Variants in HMCN1 observed in about 807,000 individuals in gnomAD.
HMCN1 encodes hemicentin 1.
In HMCN1, 321 loss-of-function variants were observed where a neutral mutation model predicts 625.9. That is an observed-to-expected ratio of 0.51 (90% confidence interval 0.47 to 0.56). HMCN1 has a LOEUF of 0.56. Ranked by LOEUF, HMCN1 falls within the 20% of genes least tolerant of loss-of-function variation. HMCN1 has a pLI of 0.00. For missense variants in HMCN1, 6,588 were observed against 6,887.3 expected (o/e 0.96, Z 1.54); for synonymous variants, 2,425 against 2,417.6 (o/e 1.00, Z -0.09).
chr1:185,960,100 A>C (rs1361921431), intron 11 of HMCN1, among the ~76,000 whole-genome samples: 2 of 150,842 alleles, frequency 1.3e-5, no homozygotes, highest in African/African-American at 4.9e-5. Context: ...TTCATGTTCT[A>C]AGTATCTTAT....
intron 14 of HMCN1, among the ~76,000 whole-genome samples, chr1:185,968,274 T>C (rs1234425586): frequency 1.3e-5 from 2 of 152,076 alleles, no homozygotes; most frequent in Non-Finnish European, 2.9e-5. Flanking sequence ...GAGAAGCAAA[T>C]ATGAGCATTC....
rs536704449 is a variant in HMCN1 at position 185,869,582 on chromosome 1, T to TG, written c.621+3720dup. Among the ~76,000 whole-genome samples, 1,110 of 151,912 alleles carry TG rather than the reference T, an allele frequency of 7.3e-3. 14 individuals carry two copies. Among genetic ancestry groups the TG allele is most frequent in the African/African-American group, 0.024 (996 of 41,452 alleles). ...GACAGTTTTCTTTTTTCACTGTGTG[T>TG]GAAAAAAAAATATTGTGAAGCTCCT... On this transcript the variant is annotated intron_variant, in intron 4 of 106. Transcript: ENST00000271588.
At chr1:186,153,608 T>A in intron 96 of HMCN1, 142 bp from the exon 97 acceptor site, 1 of 740,356 alleles carries the variant, frequency 1.4e-6, no homozygotes. Context: ...TTAACACATA[T>A]TAAATGTTTA....
chr1:185,980,778 T>C lies in HMCN1; in HGVS notation c.2567-200T>C, dbSNP rs187011286. Among the ~76,000 whole-genome samples the C allele has an allele frequency of 1.9e-3, 288 of 152,312 alleles. 6 individuals are homozygous for C. The highest frequency in any genetic ancestry group is 0.015 in the Admixed American group (231 of 15,292). On this transcript the variant is annotated intron_variant, in intron 16 of 106. Transcript: ENST00000271588. ...ATTGCCTTTCATGCAGTCACTTCTG[T>C]CTCTGCTTCCAGAGCTCACTGTCTG...
At chr1:185,808,794 C>T (rs1276932601) in intron 1 of HMCN1, among the ~76,000 whole-genome samples, 1 of 152,102 alleles carries the variant, frequency 6.6e-6, no homozygotes, top group Non-Finnish European at 1.5e-5. Context: ...CTTCGTGGCT[C>T]AATATTTCTT....
intron 9 of HMCN1, among the ~76,000 whole-genome samples, chr1:185,927,666 C>G (rs762301409): frequency 4.6e-5 from 7 of 152,076 alleles, no homozygotes; most frequent in Non-Finnish European, 8.8e-5. Context: ...ATATTTTATA[C>G]CACTTTCAGA....
At chr1:185,896,779 T>A (rs1338095859) in intron 4 of HMCN1, among the ~76,000 whole-genome samples, 1 of 152,206 alleles carries the variant, frequency 6.6e-6, no homozygotes, top group African/African-American at 2.4e-5. Context: ...ACCTCTGTTG[T>A]GAAGGAATAC....
chr1:185,994,317 G>T (rs146886883), intron 23 of HMCN1, among the ~76,000 whole-genome samples: 1 of 152,124 alleles, frequency 6.6e-6, no homozygotes, highest in African/African-American at 2.4e-5. Flanking sequence ...GCTCTTTGTG[G>T]TTTTCTCATC....
At chr1:186,149,935 AC>A (rs1158979655) in intron 93 of HMCN1, among the ~76,000 whole-genome samples, 9 of 152,172 alleles carry the variant, frequency 5.9e-5, no homozygotes, top group Non-Finnish European at 1.2e-4. Flanking sequence ...GGTTCATGAA[AC>A]CCCAAAACAA....
chr1:185,806,332 A>G (rs1010933847), intron 1 of HMCN1, among the ~76,000 whole-genome samples: 1 of 151,992 alleles, frequency 6.6e-6, no homozygotes, highest in African/African-American at 2.4e-5. Context: ...ATATGTAGGG[A>G]GTGCTTTTCT....
chr1:186,081,391 G>A lies in HMCN1; in HGVS notation c.8784G>A (p.Leu2928=), dbSNP rs774583046. 20 of 1,607,018 alleles carry A rather than the reference G, an allele frequency of 1.2e-5. No homozygotes were observed. The South Asian group carries it at 2.1e-4, about 17-fold the overall frequency. ...AATTTCTATCTAATGGACGAATTCT[G>A]CAGGTAAAAGTAAAGAAAGATCTAA... The part of the protein sequence containing the change: ...HHKFLSNGRI[L]QILNTQITDI... The change falls in exon 56 of 107, where the codon CTG becomes CTA. Residue 2928 remains leucine, a synonymous_variant. Coordinates refer to ENST00000271588, the MANE Select transcript of HMCN1 (RefSeq NM_031935.3).
At chr1:185,903,526 A>G (rs1180462066) in intron 4 of HMCN1, among the ~76,000 whole-genome samples, 1 of 151,812 alleles carries the variant, frequency 6.6e-6, no homozygotes, top group Non-Finnish European at 1.5e-5. Context: ...TGGCTATACA[A>G]CACATCACCA....
chr1:186,144,110 A>T (rs778064183), intron 89 of HMCN1, 63 bp from the exon 90 acceptor site: 50 of 1,455,880 alleles, frequency 3.4e-5, no homozygotes, highest in African/African-American at 5.7e-5. Context: ...ATTTATTTAT[A>T]TAATTTTGGT....
At chr1:185,763,109 C>T (rs559989838) in intron 1 of HMCN1, among the ~76,000 whole-genome samples, 22 of 152,202 alleles carry the variant, frequency 1.4e-4, no homozygotes, top group Middle Eastern at 3.4e-3. Flanking sequence ...AAACCCAGGA[C>T]GCTGGTAAAT....
At chr1:186,143,009 G>A (rs1650070106) in intron 89 of HMCN1, among the ~76,000 whole-genome samples, 1 of 152,200 alleles carries the variant, frequency 6.6e-6, no homozygotes, top group African/African-American at 2.4e-5. Context: ...TACAGAAGTA[G>A]TTTTGAATAT....
chr1:186,014,420 T>G (rs1654217068), intron 30 of HMCN1, among the ~76,000 whole-genome samples: 1 of 151,970 alleles, frequency 6.6e-6, no homozygotes, highest in South Asian at 2.1e-4. Context: ...GTTATAAGAT[T>G]ATATTGATAC....
chr1:186,002,054 C>T (rs555962788), intron 28 of HMCN1, among the ~76,000 whole-genome samples: 15 of 152,060 alleles, frequency 9.9e-5, no homozygotes, highest in Admixed American at 3.3e-4. Context: ...TAAGTAGGCA[C>T]GACATTCTTT....
chr1:185,909,546 T>G, intron 5 of HMCN1, 38 bp downstream of exon 5: 1 of 1,541,412 alleles, frequency 6.5e-7, no homozygotes, highest in Non-Finnish European at 9.0e-7. Flanking sequence ...AAATACAAAA[T>G]ACATAGAGGG....
intron 53 of HMCN1, 66 bp downstream of exon 53, chr1:186,074,957 T>A: frequency 1.5e-6 from 2 of 1,342,822 alleles, no homozygotes; most frequent in Non-Finnish European, 2.1e-6. Flanking sequence ...AGAAAAGAGA[T>A]TTGACTTATT....
Sources: gnomAD v4.1 joint callset for allele counts (sites outside exome capture counted in the v4.1 genomes callset) on GRCh38, gnomAD v4.1.1 for gene constraint, MANE v1.5 for transcripts, NCBI Gene and HGNC (gene_info 2026-07-23, HGNC 2026-07-21) for gene names.